Variants in NRG3 observed in about 807,000 individuals in gnomAD.
NRG3 encodes the protein neuregulin 3.
A neutral mutation model predicts 66.9 loss-of-function variants in NRG3; 31 were observed. The observed-to-expected ratio is 0.46, with a 90% CI of 0.35 to 0.63. The LOEUF is 0.63. NRG3 is among the 20% of genes least tolerant of loss of function. The pLI is 0.00. For missense variants in NRG3, 910 were observed against 878.9 expected, an observed-to-expected ratio of 1.04 and a Z score of -0.45; for synonymous variants, 393 against 359.4, an observed-to-expected ratio of 1.09 and a Z score of -1.06.
chr10:82,886,795 C>T (rs1842758928), intron 4 of NRG3, among the ~76,000 whole-genome samples: 1 of 152,202 alleles, frequency 6.6e-6, no homozygotes, highest in Non-Finnish European at 1.5e-5. Context: ...TGCTACTAGG[C>T]ATAGTCTTAT....
At chr10:82,226,971 GA>G (rs1239478486) in intron 1 of NRG3, among the ~76,000 whole-genome samples, 1 of 152,282 alleles carries the variant, frequency 6.6e-6, no homozygotes, top group South Asian at 2.1e-4. Context: ...TTCAAGATAG[GA>G]AATTTGTCTT....
intron 1 of NRG3, among the ~76,000 whole-genome samples, chr10:82,256,951 A>G (rs1217186924): frequency 6.6e-6 from 1 of 152,180 alleles, no homozygotes; most frequent in East Asian, 1.9e-4. Context: ...ATCAGAGGTC[A>G]TGGTCCGTGG....
intron 1 of NRG3, among the ~76,000 whole-genome samples, chr10:82,100,397 G>A (rs2066655686): frequency 6.6e-6 from 1 of 151,726 alleles, no homozygotes; most frequent in South Asian, 2.1e-4. Flanking sequence ...TTATTGCACT[G>A]GCTGGGATGT....
chr10:82,378,368 G>A (rs1243086222), intron 2 of NRG3, among the ~76,000 whole-genome samples: 1 of 152,198 alleles, frequency 6.6e-6, no homozygotes, highest in African/African-American at 2.4e-5. Context: ...CTGGAGCTCT[G>A]GCTCTAAGCC....
chr10:82,513,888 G>A (rs1845423065), intron 2 of NRG3, among the ~76,000 whole-genome samples: 1 of 152,142 alleles, frequency 6.6e-6, no homozygotes, highest in Non-Finnish European at 1.5e-5. Flanking sequence ...ACTGGCATGA[G>A]ATGAGATGGC....
At chr10:81,926,436 G>C (rs926148551) in intron 1 of NRG3, among the ~76,000 whole-genome samples, 4 of 152,056 alleles carry the variant, frequency 2.6e-5, no homozygotes, top group Admixed American at 6.6e-5. Context: ...TGCTACTTTA[G>C]AGAAGAGAAT....
chr10:82,506,141 G>A (rs112052897), intron 2 of NRG3, among the ~76,000 whole-genome samples: 220 of 152,250 alleles, frequency 1.4e-3, no homozygotes, highest in African/African-American at 5.1e-3. Flanking sequence ...CCAGCTACTC[G>A]GGAGACTGAG....
chr10:82,479,696 C>T (rs1731373139), intron 2 of NRG3, among the ~76,000 whole-genome samples: 1 of 141,260 alleles, frequency 7.1e-6, no homozygotes, highest in Admixed American at 7.1e-5. Context: ...AGCCCGGCAC[C>T]GGGGCTCATG....
At chr10:82,196,389 A>G (rs1293565576) in intron 1 of NRG3, among the ~76,000 whole-genome samples, 2 of 152,172 alleles carry the variant, frequency 1.3e-5, no homozygotes, top group Non-Finnish European at 2.9e-5. Flanking sequence ...TCCTTGTAAG[A>G]TCTCTGCGAT....
intron 1 of NRG3, among the ~76,000 whole-genome samples, chr10:82,345,708 C>A (rs2082971924): frequency 1.3e-5 from 2 of 151,820 alleles, no homozygotes; most frequent in South Asian, 2.1e-4. Context: ...ATGGAATGTT[C>A]TTCCATTTCT....
intron 3 of NRG3, chr10:82,827,190 T>C (rs572642070): frequency 3.0e-6 from 1 of 330,266 alleles, no homozygotes; most frequent in African/African-American, 2.4e-5. Context: ...GTGAGACTTT[T>C]TGTTACCAAA....
intron 2 of NRG3, among the ~76,000 whole-genome samples, chr10:82,697,140 C>T (rs538060598): frequency 3.3e-5 from 5 of 152,236 alleles, no homozygotes; most frequent in Admixed American, 3.3e-4. Flanking sequence ...ATAAATTGCT[C>T]CTGTTTTAAG....
intron 1 of NRG3, among the ~76,000 whole-genome samples, chr10:81,896,983 A>G (rs982212635): frequency 6.6e-5 from 10 of 152,200 alleles, no homozygotes; most frequent in Admixed American, 6.5e-4. Context: ...CTATTGAGAC[A>G]TGCTGAACAG....
At chr10:82,734,436 C>T (rs2820106) in intron 2 of NRG3, among the ~76,000 whole-genome samples, 69,578 of 151,934 alleles carry the variant, frequency 0.46, 16,994 homozygotes, top group East Asian at 0.59. Context: ...GAATATCAAC[C>T]TAGTTAAGGC....
intron 1 of NRG3, among the ~76,000 whole-genome samples, chr10:82,298,327 A>G (rs762137607): frequency 3.3e-5 from 5 of 151,960 alleles, no homozygotes; most frequent in African/African-American, 4.8e-5. Flanking sequence ...CCTCAGATCT[A>G]TTTCTTAACT....
At chr10:82,321,338 C>CATTCTTTG (rs1283829772) in intron 1 of NRG3, among the ~76,000 whole-genome samples, 1 of 151,942 alleles carries the variant, frequency 6.6e-6, no homozygotes, top group Non-Finnish European at 1.5e-5. Context: ...GTTTCACCTG[C>CATTCTTTG]AGCCCCCCAA....
At chr10:82,517,081 G>C (rs974622547) in intron 2 of NRG3, among the ~76,000 whole-genome samples, 1 of 151,816 alleles carries the variant, frequency 6.6e-6, no homozygotes, top group African/African-American at 2.4e-5. Flanking sequence ...GAATTTCAGT[G>C]AAAATACTTT....
At chr10:82,584,055 A>G (rs949749225) in intron 2 of NRG3, among the ~76,000 whole-genome samples, 4 of 152,124 alleles carry the variant, frequency 2.6e-5, no homozygotes, top group Non-Finnish European at 5.9e-5. Flanking sequence ...CAAATAAGGC[A>G]AATACGTTTT....
intron 1 of NRG3, among the ~76,000 whole-genome samples, chr10:82,017,601 T>C (rs2061844963): frequency 6.6e-6 from 1 of 152,052 alleles, no homozygotes; most frequent in East Asian, 1.9e-4. Flanking sequence ...CCAGCACCTG[T>C]TGTTTCCTGA....
Sources: gnomAD v4.1 joint callset for allele counts (sites outside exome capture counted in the v4.1 genomes callset) on GRCh38, gnomAD v4.1.1 for gene constraint, MANE v1.5 for transcripts, NCBI Gene and HGNC (gene_info 2026-07-23, HGNC 2026-07-21) for gene names.